The following SCN1A variants were observed in gnomAD, a reference collection of about 807,000 sequenced individuals.
The protein encoded by SCN1A is sodium channel protein type 1 subunit alpha.
A neutral mutation model predicts 193.7 loss-of-function variants in SCN1A; 13 were observed. The observed-to-expected ratio is 0.07, with a 90% CI of 0.04 to 0.11. SCN1A has a LOEUF of 0.11. SCN1A is among the 10% of genes least tolerant of loss of function. The pLI is 1.00. For synonymous variants in SCN1A, 781 were observed against 843.6 expected, an observed-to-expected ratio of 0.93 and a Z score of 1.29; for missense variants, 1,432 against 2,451.1, an observed-to-expected ratio of 0.58 and a Z score of 8.78.
chr2:166,062,324 C>T (rs1035401904), intron 4 of SCN1A, among the ~76,000 whole-genome samples: 1 of 152,130 alleles, frequency 6.6e-6, no homozygotes, highest in Non-Finnish European at 1.5e-5. Flanking sequence ...AATATGATAG[C>T]ACTTTCATGT....
intron 24 of SCN1A, among the ~76,000 whole-genome samples, chr2:166,001,704 T>C (rs1690871672): frequency 6.6e-6 from 1 of 151,612 alleles, no homozygotes; most frequent in African/African-American, 2.4e-5. Context: ...CTTTTTTAAA[T>C]ATAAATTATA....
At position 165,991,071 on chromosome 2, in the gene SCN1A, G is replaced by A. The variant is rs1287595036; in HGVS notation, c.*174C>T. Reference sequence around the variant, plus strand: ...CAAGGTCATCTCCCCTTTACACAGAGTCACAGTTTGCTGACAAGGGGTCAC... The same window carrying A: ...CAAGGTCATCTCCCCTTTACACAGAATCACAGTTTGCTGACAAGGGGTCAC... On this transcript the variant is annotated 3_prime_UTR_variant, in exon 29 of 29. Coordinates refer to ENST00000674923, the MANE Select transcript of SCN1A (RefSeq NM_001165963.4). 1 of 613,254 alleles carries A rather than the reference G, an allele frequency of 1.6e-6. No individual in the cohort carries two copies. The highest frequency in any genetic ancestry group is 1.9e-5 in the African/African-American group (1 of 52,504). 38.0% of individuals were successfully genotyped at this position (613,254 alleles called of 1,614,324 possible). A position where few individuals can be genotyped will look rare whatever the true frequency, so the allele number is the denominator to read the frequency against.
At chr2:166,130,149 T>G (rs76968756), upstream of SCN1A, among the ~76,000 whole-genome samples, 1,049 of 152,330 alleles carry the variant, frequency 6.9e-3, 9 homozygotes, top group African/African-American at 0.024. Context: ...TCAAACTCCA[T>G]GTTTGCTTAA....
rs765349556 is a variant in SCN1A, at chr2:166,043,835, C to G, written c.1877G>C (p.Ser626Thr). ...ERRNSNLSQT[S>T]RSSRMLAVFP... ...CACTGCCAGCATCCGGGATGACCTACTGGTCTGACTCAGGTTGCTGTTGCG... is the reference window on the plus strand; with the variant it reads ...CACTGCCAGCATCCGGGATGACCTAGTGGTCTGACTCAGGTTGCTGTTGCG... Residue 626 changes from serine to threonine, a missense_variant, in exon 14 of 29, where the codon AGT (serine) becomes ACT (threonine). Physicochemically the swap from Ser to Thr is moderately conservative, Grantham distance 58 (BLOSUM62 1). Transcript: ENST00000674923. 6.2e-7 allele frequency: 1 copy of G among 1,614,184 alleles called. No homozygotes were observed. Among genetic ancestry groups the G allele is most frequent in the East Asian group, 2.2e-5 (1 of 44,882 alleles).
chr2:166,055,978 G>T (rs1559248659), intron 6 of SCN1A, among the ~76,000 whole-genome samples: 1 of 152,046 alleles, frequency 6.6e-6, no homozygotes, highest in African/African-American at 2.4e-5. Flanking sequence ...GACATGAAGT[G>T]AATGTGCCTG....
intron 1 of SCN1A, among the ~76,000 whole-genome samples, chr2:166,133,111 A>C (rs1691723535): frequency 6.6e-6 from 1 of 152,148 alleles, no homozygotes; most frequent in Admixed American, 6.6e-5. Flanking sequence ...GAGAAGAAAA[A>C]ATAGTATAGG....
chr2:166,098,567 C>G (rs1476223470), intron 2 of SCN1A, among the ~76,000 whole-genome samples: 1 of 152,158 alleles, frequency 6.6e-6, no homozygotes, highest in Non-Finnish European at 1.5e-5. Context: ...GTCAAACTAT[C>G]TCTCTTTGAA....
At chr2:166,015,472 GT>G in intron 20 of SCN1A, 134 bp downstream of exon 20, 1 of 1,062,838 alleles carries the variant, frequency 9.4e-7, no homozygotes, top group Non-Finnish European at 1.4e-6. Flanking sequence ...TTTTTTGTCT[GT>G]CAACATATTA....
intron 2 of SCN1A, among the ~76,000 whole-genome samples, chr2:166,093,963 C>T (rs1309389548): frequency 6.6e-6 from 1 of 152,106 alleles, no homozygotes; most frequent in African/African-American, 2.4e-5. Context: ...ACACTTATGA[C>T]CCCAATATGT....
chr2:166,083,446 G>A (rs1685746453), intron 2 of SCN1A, among the ~76,000 whole-genome samples: 1 of 151,850 alleles, frequency 6.6e-6, no homozygotes, highest in Non-Finnish European at 1.5e-5. Flanking sequence ...AATAAACTAA[G>A]AAGTAAAAAA....
chr2:166,110,236 T>C (rs994183964), intron 2 of SCN1A, among the ~76,000 whole-genome samples: 3 of 152,142 alleles, frequency 2.0e-5, no homozygotes, highest in Non-Finnish European at 2.9e-5. Context: ...AAGAATTGAA[T>C]GTTTCTCACT....
intron 1 of SCN1A, among the ~76,000 whole-genome samples, chr2:166,147,338 G>T (rs1201493713): frequency 6.6e-6 from 1 of 152,098 alleles, no homozygotes; most frequent in African/African-American, 2.4e-5. Flanking sequence ...GGAATACAAA[G>T]ATATATATGG....
intron 2 of SCN1A, among the ~76,000 whole-genome samples, chr2:166,119,044 T>C (rs1044640984): frequency 6.6e-6 from 1 of 152,156 alleles, no homozygotes; most frequent in African/African-American, 2.4e-5. Flanking sequence ...ATAGGGTTTG[T>C]GCTCCTATGA....
At chr2:166,118,534 C>A (rs551020615) in intron 2 of SCN1A, among the ~76,000 whole-genome samples, 91 of 151,810 alleles carry the variant, frequency 6.0e-4, no homozygotes, top group South Asian at 8.4e-4. Flanking sequence ...TGCTGAGGCC[C>A]AGGTGGCACT....
At chr2:166,093,335 T>C (rs981402350) in intron 2 of SCN1A, among the ~76,000 whole-genome samples, 3 of 151,900 alleles carry the variant, frequency 2.0e-5, no homozygotes, top group Non-Finnish European at 4.4e-5. Flanking sequence ...TTCAGTTGAA[T>C]TCTTCTTTTT....
In SCN1A at chr2:165,992,396, T is replaced by C. The variant is rs1283771522; in HGVS notation, c.4879A>G (p.Lys1627Glu). Residue 1627 changes from lysine to glutamate, a missense_variant, in exon 29 of 29, where the codon AAG becomes GAG. This residue lies in a region of SCN1A where 85 missense variants were observed against 213.2 expected (regional missense o/e 0.40). Coordinates refer to ENST00000674923, the MANE Select transcript of SCN1A (RefSeq NM_001165963.4). This position sits in a 1 kb window ranked among gnomAD's most constrained non-coding sequence, Gnocchi z 6.5. ...VGMFLAELIEKYFVSPTLFRV... is the reference protein window; with the variant it reads ...VGMFLAELIEEYFVSPTLFRV... Reference sequence around the variant, plus strand: ...AACAGGGTAGGGGACACGAAATACTTTTCTATCAGCTCGGCAAGAAACATA... The same window carrying C: ...AACAGGGTAGGGGACACGAAATACTCTTCTATCAGCTCGGCAAGAAACATA... The C allele has an allele frequency of 6.2e-7, 1 of 1,613,576 alleles. No homozygotes were observed.
intron 28 of SCN1A, chr2:165,993,693 TTC>T (rs1448127381): frequency 5.8e-6 from 1 of 171,480 alleles, no homozygotes; most frequent in Non-Finnish European, 1.3e-5. Context: ...CTTGTCTTTA[TTC>T]TCTTTTTATG....
intron 18 of SCN1A, among the ~76,000 whole-genome samples, chr2:166,037,392 A>C (rs1384316183): frequency 6.6e-6 from 1 of 152,182 alleles, no homozygotes; most frequent in African/African-American, 2.4e-5. Flanking sequence ...TACTTTTTTT[A>C]GACTTCTCTC....
chr2:166,129,028 AAC>A (rs1691520802), upstream of SCN1A, among the ~76,000 whole-genome samples: 1 of 152,194 alleles, frequency 6.6e-6, no homozygotes, highest in Non-Finnish European at 1.5e-5. Context: ...TTTGCCATCT[AAC>A]ACACTTATTA....
Sources: allele counts gnomAD v4.1 joint callset (sites outside exome capture counted in the v4.1 genomes callset), GRCh38; gene constraint gnomAD v4.1.1; regional missense constraint gnomAD v4.1.1; non-coding constraint Gnocchi (gnomAD v3.1); transcripts MANE v1.5; gene names NCBI Gene and HGNC (gene_info 2026-07-23, HGNC 2026-07-21).